The following TMTC2 variants were observed in gnomAD, a reference collection of about 807,000 sequenced individuals.
TMTC2 encodes the protein transmembrane O-mannosyltransferase targeting cadherins 2.
TMTC2 carries 43 observed loss-of-function variants against 82.4 expected under a neutral mutation model. The ratio of observed to expected loss-of-function variants is 0.52; its 90% CI spans 0.41 to 0.67. The LOEUF (loss-of-function observed/expected upper bound fraction) is 0.67, where lower values mean the gene tolerates loss of function less well. Among genes scored for constraint, TMTC2 ranks in the 30% least tolerant of loss-of-function variants. TMTC2 has a pLI of 0.00. For synonymous variants in TMTC2, 408 were observed against 381.9 expected (o/e 1.07, Z -0.80); for missense variants, 919 against 1,012.4 (o/e 0.91, Z 1.25).
At chr12:82,769,564 T>G (rs1482657456) in intron 1 of TMTC2, among the ~76,000 whole-genome samples, 2 of 152,154 alleles carry the variant, frequency 1.3e-5, no homozygotes, top group East Asian at 3.9e-4. Context: ...AGCCATTATC[T>G]TGTCTAATGT....
rs115412674 is a variant in TMTC2 at position 82,948,150 on chromosome 12, G to A, written c.1599-16874G>A. Among the ~76,000 whole-genome samples the A allele has an allele frequency of 2.3e-3, 344 of 152,298 alleles. 1 individual carries two copies. Among genetic ancestry groups the A allele is most frequent in the African/African-American group, 7.9e-3 (327 of 41,568 alleles). On this transcript the variant is annotated intron_variant, in intron 4 of 11. Transcript: ENST00000321196. ...GGAGGCCAAGGCACGAGGGTCACTT[G>A]AGCCCAGAAGTTCAAGACCAGCCTG... is the stretch of plus-strand genomic sequence containing the variant.
chr12:82,907,667 T>TAGA (rs1874397466), intron 3 of TMTC2, among the ~76,000 whole-genome samples: 1 of 152,148 alleles, frequency 6.6e-6, no homozygotes, highest in Non-Finnish European at 1.5e-5. Flanking sequence ...ACAAAACTTT[T>TAGA]AGAATCTTTA....
intron 1 of TMTC2, among the ~76,000 whole-genome samples, chr12:82,778,573 G>C (rs1877715655): frequency 6.6e-6 from 1 of 152,094 alleles, no homozygotes; most frequent in South Asian, 2.1e-4. Flanking sequence ...AAATCGGCCG[G>C]GCGCAGTGGC....
At chr12:82,947,363 A>G (rs1877066528) in intron 4 of TMTC2, among the ~76,000 whole-genome samples, 2 of 135,702 alleles carry the variant, frequency 1.5e-5, no homozygotes, top group African/African-American at 5.7e-5. Context: ...TTTTTTTGAG[A>G]CGGAGTCTCG....
chr12:82,711,716 A>G (rs1399198563), intron 1 of TMTC2, among the ~76,000 whole-genome samples: 1 of 152,232 alleles, frequency 6.6e-6, no homozygotes, highest in African/African-American at 2.4e-5. Context: ...GGTAAATGTG[A>G]ACAATGCTTC....
chr12:83,067,982 A>T (rs1198310790), intron 11 of TMTC2, among the ~76,000 whole-genome samples: 1 of 152,094 alleles, frequency 6.6e-6, no homozygotes, highest in Non-Finnish European at 1.5e-5. Context: ...AACATAAATT[A>T]TTTCAGAACA....
At position 82,748,429 on chromosome 12, in the gene TMTC2, A is replaced by G. The variant is rs1875802878; in HGVS notation, c.83+60760A>G. On this transcript the variant is annotated intron_variant, in intron 1 of 11. Transcript: ENST00000321196. ...TGCGCTTTGGAGGGAATTGAATCCCAGCTTGGCAACTTACTAATGGTATGA... is the reference window on the plus strand; with the variant it reads ...TGCGCTTTGGAGGGAATTGAATCCCGGCTTGGCAACTTACTAATGGTATGA... 3.9e-5 allele frequency among the ~76,000 whole-genome samples: 6 copies of G among 152,352 alleles called. No homozygotes were observed. In the South Asian group the frequency reaches 1.2e-3, roughly 32 times the overall value.
At chr12:82,961,202 T>C (rs1877911680) in intron 4 of TMTC2, among the ~76,000 whole-genome samples, 1 of 18,906 alleles carries the variant, frequency 5.3e-5, no homozygotes, top group East Asian at 3.6e-3. Context: ...CTATTATTAT[T>C]ATTATTATTA....
At chr12:82,984,348 T>G (rs1879063110) in intron 7 of TMTC2, among the ~76,000 whole-genome samples, 1 of 152,146 alleles carries the variant, frequency 6.6e-6, no homozygotes, top group Non-Finnish European at 1.5e-5. Flanking sequence ...TATGTATTAT[T>G]TGTCACCAAT....
chr12:83,093,077 T>C (rs1883896917), intron 11 of TMTC2, among the ~76,000 whole-genome samples: 1 of 152,152 alleles, frequency 6.6e-6, no homozygotes, highest in South Asian at 2.1e-4. Context: ...CTATGACCCA[T>C]TCAGGACATT....
chr12:82,913,188 T>A (rs1017330297), intron 3 of TMTC2, among the ~76,000 whole-genome samples: 2 of 152,318 alleles, frequency 1.3e-5, no homozygotes, highest in African/African-American at 4.8e-5. Flanking sequence ...CTTTTGCCAT[T>A]ACACTTTAGC....
intron 4 of TMTC2, among the ~76,000 whole-genome samples, chr12:82,951,979 G>A (rs1340097443): frequency 2.0e-5 from 3 of 152,028 alleles, no homozygotes; most frequent in Admixed American, 6.6e-5. Flanking sequence ...CTTGGTCCTC[G>A]AATACAAAGT....
rs534609757 is a variant in TMTC2, at chr12:82,884,074, G to A, written c.655-11744G>A. Among the ~76,000 whole-genome samples the A allele has an allele frequency of 6.6e-5, 10 of 152,252 alleles. No homozygotes were observed. In the South Asian group the frequency reaches 2.1e-3, roughly 32 times the overall value. The stretch of plus-strand genomic sequence containing the variant: ...TGGCATTCAGGGGCTTGTTTTTAGT[G>A]TAATGGGTTAGGGGCTATGGCACAC... On this transcript the variant is annotated intron_variant, in intron 2 of 11. Coordinates refer to ENST00000321196, the MANE Select transcript of TMTC2 (RefSeq NM_152588.3).
At chr12:82,724,689 GACTT>G (rs1198300846) in intron 1 of TMTC2, among the ~76,000 whole-genome samples, 1 of 152,136 alleles carries the variant, frequency 6.6e-6, no homozygotes, top group Non-Finnish European at 1.5e-5. Flanking sequence ...AACTTGGAAA[GACTT>G]ACAACCAGTT....
At chr12:82,922,427 C>T (rs1488460127) in intron 3 of TMTC2, among the ~76,000 whole-genome samples, 1 of 152,106 alleles carries the variant, frequency 6.6e-6, no homozygotes, top group African/African-American at 2.4e-5. Flanking sequence ...TATAGCATAA[C>T]TGCATCTCTA....
intron 1 of TMTC2, among the ~76,000 whole-genome samples, chr12:82,791,932 C>T (rs555793693): frequency 2.0e-5 from 3 of 152,222 alleles, no homozygotes; most frequent in South Asian, 2.1e-4. Flanking sequence ...CAACTGTTAC[C>T]GTTCTAAGCT....
Position 82,769,312 on chromosome 12 carries a change from A to G in TMTC2, c.83+81643A>G, listed in dbSNP as rs1216821964. ...ACATAGTGAAACCCCTGTCTCTACT[A>G]AAAAAATACAAAAATTAGCCAGGCG... On this transcript the variant is annotated intron_variant, in intron 1 of 11. Coordinates refer to ENST00000321196, the MANE Select transcript of TMTC2 (RefSeq NM_152588.3). Among the ~76,000 whole-genome samples, 5 of 151,496 alleles carry G rather than the reference A, an allele frequency of 3.3e-5. No individual in the cohort carries two copies. The East Asian group carries it at 7.8e-4, about 24-fold the overall frequency.
chr12:83,030,724 C>T (rs1234723550), intron 8 of TMTC2, 74 bp from the exon 9 acceptor site: 2 of 1,201,854 alleles, frequency 1.7e-6, no homozygotes, highest in South Asian at 1.3e-5. Flanking sequence ...CATTTGGCTA[C>T]TTCAGTTAGG....
At chr12:82,933,011 C>T (rs75402961) in intron 4 of TMTC2, among the ~76,000 whole-genome samples, 32 of 152,148 alleles carry the variant, frequency 2.1e-4, no homozygotes, top group African/African-American at 7.7e-4. Context: ...CAATTCCTAG[C>T]GAAAAATCTG....
Sources: gnomAD v4.1 joint callset for allele counts (sites outside exome capture counted in the v4.1 genomes callset) on GRCh38, gnomAD v4.1.1 for gene constraint, MANE v1.5 for transcripts, NCBI Gene and HGNC (gene_info 2026-07-23, HGNC 2026-07-21) for gene names.